The following MFHAS1 variants were observed in gnomAD, a reference collection of about 807,000 sequenced individuals.
MFHAS1 encodes the protein multifunctional ROCO family signaling regulator 1, also known as malignant fibrous histiocytoma-amplified sequence 1.
MFHAS1 carries 50 observed loss-of-function variants against 70.4 expected under a neutral mutation model. The observed-to-expected ratio is 0.71, with a 90% CI of 0.57 to 0.90. MFHAS1 has a LOEUF of 0.90. Among genes scored for constraint, MFHAS1 ranks in the 40% least tolerant of loss-of-function variants. The pLI, the probability that MFHAS1 is intolerant of heterozygous loss-of-function variation, is 0.00. For synonymous variants in MFHAS1, 952 were observed against 620.0 expected (o/e 1.54, Z -7.96); for missense variants, 1,795 against 1,347.6 (o/e 1.33, Z -5.20).
At position 8,890,940 on chromosome 8, in the gene MFHAS1, G is replaced by A. The variant is rs758163888; in HGVS notation, c.2119C>T (p.Leu707=). The A allele has an allele frequency of 1.9e-6, 3 of 1,614,084 alleles. No individual in the cohort carries two copies. The highest frequency in any genetic ancestry group is 2.5e-6 in the Non-Finnish European group (3 of 1,180,034). The change falls in exon 1 of 3, where the codon CTG becomes TTG. Residue 707 remains leucine (L), a synonymous_variant. Transcript: ENST00000276282. ...TAGAGTAGCTTGCCGCTCTCATGCA[G>A]GTAGGAGAGGGCACTCTGCAGTCGG... The part of the protein sequence containing the change: ...EDRLQSALSY[L]HESGKLLYFE...
At chr8:8,848,816 G>A (rs577765612) in intron 1 of MFHAS1, among the ~76,000 whole-genome samples, 2 of 152,146 alleles carry the variant, frequency 1.3e-5, no homozygotes, top group African/African-American at 2.4e-5. Context: ...AATAGCCACA[G>A]AACCAATTTA....
chr8:8,866,526 C>A (rs1808864199), intron 1 of MFHAS1, among the ~76,000 whole-genome samples: 1 of 152,074 alleles, frequency 6.6e-6, no homozygotes, highest in African/African-American at 2.4e-5. Flanking sequence ...CCATGTTGCC[C>A]AGGCTGGTCT....
At chr8:8,855,881 G>A (rs1049649984) in intron 1 of MFHAS1, among the ~76,000 whole-genome samples, 9 of 152,122 alleles carry the variant, frequency 5.9e-5, no homozygotes, top group African/African-American at 1.9e-4. Context: ...AAAAAATTAT[G>A]CTTTCTGCCG....
chr8:8,873,684 G>A (rs1481527106), intron 1 of MFHAS1, among the ~76,000 whole-genome samples: 3 of 152,214 alleles, frequency 2.0e-5, no homozygotes, highest in African/African-American at 4.8e-5. Flanking sequence ...TGTGGAACTC[G>A]AGAGGATGGT....
chr8:8,823,071 A>G (rs1431706906), intron 1 of MFHAS1, among the ~76,000 whole-genome samples: 1 of 152,120 alleles, frequency 6.6e-6, no homozygotes, highest in Non-Finnish European at 1.5e-5. Context: ...GTCCATACAG[A>G]GATTCTCTTC....
rs1262052554 is a variant in MFHAS1, at chr8:8,892,919, G to T, written c.140C>A (p.Ala47Glu). The part of the protein sequence containing the change: ...AGACPGAGAD[A>E]LESPASPQLV... Reference sequence around the variant, plus strand: ...CTGGGGGGAGGCGGGGGACTCGAGCGCGTCGGCCCCGGCCCCGGGGCAGGC... The same window carrying T: ...CTGGGGGGAGGCGGGGGACTCGAGCTCGTCGGCCCCGGCCCCGGGGCAGGC... Residue 47 changes from alanine to glutamate, a missense_variant, in exon 1 of 3, where the codon GCG becomes GAG. Ala to Glu is a moderately radical substitution (Grantham distance 107). Transcript: ENST00000276282. This position sits in a 1 kb window ranked among gnomAD's most constrained non-coding sequence, Gnocchi z 4.7. 1.9e-6 allele frequency: 3 copies of T among 1,557,242 alleles called. No individual in the cohort carries two copies. The African/African-American group carries it at 4.2e-5, about 22-fold the overall frequency.
rs376520770 is a variant in MFHAS1 at position 8,892,734 on chromosome 8, G to A, written c.325C>T (p.Leu109Phe). 1.9e-6 allele frequency: 3 copies of A among 1,539,552 alleles called. No homozygotes were observed. Among genetic ancestry groups the A allele is most frequent in the Non-Finnish European group, 2.6e-6 (3 of 1,139,468 alleles). Residue 109 changes from leucine to phenylalanine, a missense_variant, in exon 1 of 3, where the codon CTC becomes TTC. Transcript: ENST00000276282. This position sits in a 1 kb window ranked among gnomAD's most constrained non-coding sequence, Gnocchi z 4.7. ...TCCAGCTCGGTGAGGTGGTGGCCGA[G>A]CTCGGCCACCGCCGGGGGCAGCCGG... ...FARLPPAVAE[L>F]GHHLTELDVS...
intron 1 of MFHAS1, among the ~76,000 whole-genome samples, 164 bp from the exon 2 acceptor site, chr8:8,797,655 G>A (rs545188265): frequency 6.6e-6 from 1 of 152,310 alleles, no homozygotes; most frequent in South Asian, 2.1e-4. Flanking sequence ...AGAACTGCCT[G>A]GGCGCCGGCT....
chr8:8,842,449 G>C (rs547207754), intron 1 of MFHAS1, among the ~76,000 whole-genome samples: 3 of 152,294 alleles, frequency 2.0e-5, no homozygotes, highest in South Asian at 4.2e-4. Flanking sequence ...GCCTCCCAAA[G>C]TGCTGGGATT....
rs1425828256 is a variant in MFHAS1, at chr8:8,890,901, G to T, written c.2158C>A (p.Pro720Thr). The change falls in exon 1 of 3, where the codon CCG (proline) becomes ACG (threonine). Residue 720 changes from proline to threonine, a missense_variant. Transcript: ENST00000276282. ...SGKLLYFEDS[P>T]ALKEHVFHNL... The stretch of plus-strand genomic sequence containing the variant: ...TGGAAGACGTGCTCCTTGAGAGCCG[G>T]ACTGTCCTCAAAGTAGAGTAGCTTG... The T allele has an allele frequency of 1.2e-6, 2 of 1,614,114 alleles. No individual in the cohort carries two copies. The highest frequency in any genetic ancestry group is 1.7e-5 in the Admixed American group (1 of 60,034).
chr8:8,887,161 G>A (rs1241056566), intron 1 of MFHAS1, among the ~76,000 whole-genome samples: 3 of 152,010 alleles, frequency 2.0e-5, no homozygotes, highest in Non-Finnish European at 4.4e-5. Flanking sequence ...ACATGAAAAG[G>A]CAAAGGCTGC....
At chr8:8,888,880 A>T (rs569623049) in intron 1 of MFHAS1, among the ~76,000 whole-genome samples, 170 of 152,312 alleles carry the variant, frequency 1.1e-3, no homozygotes, top group African/African-American at 3.9e-3. Context: ...CTGCAGGTTT[A>T]TCAACTGAAA....
At chr8:8,801,429 C>T (rs1272030846) in intron 1 of MFHAS1, among the ~76,000 whole-genome samples, 1 of 152,152 alleles carries the variant, frequency 6.6e-6, no homozygotes, top group Non-Finnish European at 1.5e-5. Flanking sequence ...TTGATGTTAA[C>T]AAATACTGAG....
intron 1 of MFHAS1, among the ~76,000 whole-genome samples, chr8:8,864,995 G>C (rs1039065821): frequency 1.8e-4 from 27 of 152,232 alleles, no homozygotes; most frequent in African/African-American, 5.5e-4. Flanking sequence ...CATGTTTCAG[G>C]CCAGGTCTGG....
At position 8,785,819 on chromosome 8, in the gene MFHAS1, G is replaced by T. The variant is rs1054999709; in HGVS notation, c.*203C>A. 4 of 490,656 alleles carry T rather than the reference G, an allele frequency of 8.2e-6. No individual in the cohort carries two copies. Among genetic ancestry groups the T allele is most frequent in the Admixed American group, 6.3e-5 (2 of 31,582 alleles). 30.4% of individuals were successfully genotyped at this position (490,656 alleles called of 1,614,324 possible). ...CTGAGGTTCAGGTTGTAAAACATTT[G>T]CTCCATGTTCTCGTCCATGCTTCCC... On this transcript the variant is annotated 3_prime_UTR_variant, in exon 3 of 3. Transcript: ENST00000276282.
At chr8:8,867,068 G>C (rs1471869384) in intron 1 of MFHAS1, among the ~76,000 whole-genome samples, 1 of 152,146 alleles carries the variant, frequency 6.6e-6, no homozygotes, top group Non-Finnish European at 1.5e-5. Context: ...TTACAGTTCA[G>C]CTACACATAA....
intron 1 of MFHAS1, among the ~76,000 whole-genome samples, chr8:8,809,560 G>T (rs1047083892): frequency 2.0e-5 from 3 of 152,186 alleles, no homozygotes; most frequent in Non-Finnish European, 4.4e-5. Flanking sequence ...GCAGACGCGT[G>T]TGCCACTTGG....
chr8:8,881,815 C>CAAAA (rs35891401), intron 1 of MFHAS1, among the ~76,000 whole-genome samples: 2 of 59,366 alleles, frequency 3.4e-5, no homozygotes, highest in Non-Finnish European at 7.3e-5. Context: ...GACTCCGTCT[C>CAAAA]AAAAAAAAAA....
intron 1 of MFHAS1, among the ~76,000 whole-genome samples, chr8:8,857,622 T>C (rs897698568): frequency 6.6e-6 from 1 of 151,900 alleles, no homozygotes; most frequent in Admixed American, 6.6e-5. Context: ...TAGCCAGGCA[T>C]GGTGGCGGGT....
Sources: gnomAD v4.1 joint callset for allele counts (sites outside exome capture counted in the v4.1 genomes callset) on GRCh38, gnomAD v4.1.1 for gene constraint, Gnocchi (gnomAD v3.1) non-coding constraint, MANE v1.5 for transcripts, NCBI Gene and HGNC (gene_info 2026-07-23, HGNC 2026-07-21) for gene names.